The following RBFOX1 variants were observed in gnomAD, a reference collection of about 807,000 sequenced individuals.
The protein encoded by RBFOX1 is RNA binding fox-1 homolog 1, also known as RNA binding protein fox-1 homolog 1.
In RBFOX1, 8 loss-of-function variants were observed where a neutral mutation model predicts 57.7. That is an observed-to-expected ratio of 0.14 (90% CI 0.08 to 0.25). The LOEUF (loss-of-function observed/expected upper bound fraction) is 0.25. RBFOX1 is among the 10% of genes least tolerant of loss of function. RBFOX1 has a pLI of 1.00. For synonymous variants in RBFOX1, 326 were observed against 222.4 expected, an observed-to-expected ratio of 1.47 and a Z score of -4.15; for missense variants, 611 against 548.5, an observed-to-expected ratio of 1.11 and a Z score of -1.14.
intron 2 of RBFOX1, among the ~76,000 whole-genome samples, chr16:6,432,439 A>C (rs1002852556): frequency 4.0e-5 from 6 of 151,814 alleles, no homozygotes; most frequent in Non-Finnish European, 8.8e-5. Flanking sequence ...TGGGAGGGCA[A>C]GGCGGGCGGA....
Position 6,312,136 on chromosome 16 carries a change from A to T in RBFOX1, c.-126-4859A>T, listed in dbSNP as rs561303351. Among the ~76,000 whole-genome samples the T allele has an allele frequency of 7.9e-5, 12 of 152,286 alleles. No homozygotes were observed. In the East Asian group the frequency reaches 2.3e-3, roughly 29 times the overall value. ...CTGAGATGGTCTTATACATAATTGCATTGTTTGCTAGCAACAGAAATCCAT... is the reference window on the plus strand; with the variant it reads ...CTGAGATGGTCTTATACATAATTGCTTTGTTTGCTAGCAACAGAAATCCAT... On this transcript the variant is annotated intron_variant, in intron 1 of 15. Transcript: ENST00000550418.
At chr16:6,399,894 G>C (rs1056047020) in intron 2 of RBFOX1, among the ~76,000 whole-genome samples, 9 of 152,130 alleles carry the variant, frequency 5.9e-5, no homozygotes, top group South Asian at 2.1e-4. Context: ...CCCAATGAAG[G>C]GAGAAGCCCT....
intron 1 of RBFOX1, among the ~76,000 whole-genome samples, chr16:6,055,590 CAAAAAAA>C (rs35872547): frequency 1.5e-5 from 1 of 65,578 alleles, no homozygotes; most frequent in South Asian, 8.5e-4. Flanking sequence ...GAGACTCCGT[CAAAAAAA>C]AAAAAAAAAA....
At chr16:7,057,969 C>T (rs1811557) in intron 4 of RBFOX1, among the ~76,000 whole-genome samples, 1 of 148,148 alleles carries the variant, frequency 6.8e-6, no homozygotes, top group Admixed American at 6.8e-5. Flanking sequence ...GATCATGCCA[C>T]TGCACTCCAG....
chr16:5,842,355 TTGTTCTCTC>T (rs2056646481), intron 3 of RBFOX1, among the ~76,000 whole-genome samples: 1 of 152,184 alleles, frequency 6.6e-6, no homozygotes, highest in Admixed American at 6.5e-5. Flanking sequence ...TTAGGGAATT[TTGTTCTCTC>T]TGTGGGAAAT....
intron 3 of RBFOX1, among the ~76,000 whole-genome samples, chr16:5,734,460 C>T (rs767661112): frequency 5.9e-5 from 9 of 152,148 alleles, no homozygotes; most frequent in Non-Finnish European, 1.2e-4. Context: ...AGAAAAACAG[C>T]ACATGCTTTC....
chr16:5,773,175 A>G (rs1340431434), intron 3 of RBFOX1, among the ~76,000 whole-genome samples: 3 of 152,212 alleles, frequency 2.0e-5, no homozygotes, highest in Non-Finnish European at 4.4e-5. Context: ...TGCTGAAGGT[A>G]GACTTCAGGG....
intron 3 of RBFOX1, among the ~76,000 whole-genome samples, chr16:5,852,670 A>C (rs2056926399): frequency 6.6e-6 from 1 of 152,018 alleles, no homozygotes; most frequent in Non-Finnish European, 1.5e-5. Context: ...TGGATTTGTA[A>C]AAGGGGTTAT....
chr16:7,652,697 C>T (rs187231253), intron 11 of RBFOX1, among the ~76,000 whole-genome samples: 76 of 152,320 alleles, frequency 5.0e-4, no homozygotes, highest in South Asian at 6.2e-4. Flanking sequence ...TGAGCCACCG[C>T]GCCCAGCCCC....
At chr16:5,853,744 G>A (rs565901421) in intron 3 of RBFOX1, among the ~76,000 whole-genome samples, 4 of 152,276 alleles carry the variant, frequency 2.6e-5, no homozygotes, top group African/African-American at 9.6e-5. Context: ...TAAGCCTGCT[G>A]CATTTCAAAT....
chr16:6,818,037 C>G (rs2090485680), intron 3 of RBFOX1, among the ~76,000 whole-genome samples: 1 of 152,152 alleles, frequency 6.6e-6, no homozygotes, highest in Non-Finnish European at 1.5e-5. Flanking sequence ...TGTGTCTGCT[C>G]TCCTATATCT....
intron 2 of RBFOX1, among the ~76,000 whole-genome samples, chr16:6,398,704 C>T (rs1361659779): frequency 2.0e-5 from 3 of 152,248 alleles, no homozygotes; most frequent in Non-Finnish European, 4.4e-5. Flanking sequence ...AGCTCTGCCC[C>T]TATGCCTTTG....
At chr16:6,264,762 TTG>T (rs1784604722) in intron 1 of RBFOX1, among the ~76,000 whole-genome samples, 1 of 152,220 alleles carries the variant, frequency 6.6e-6, no homozygotes, top group Non-Finnish European at 1.5e-5. Flanking sequence ...GCAGCCTATG[TTG>T]TCTTTTCTTA....
chr16:5,513,714 A>G (rs1409535705), intron 2 of RBFOX1, among the ~76,000 whole-genome samples: 1 of 152,112 alleles, frequency 6.6e-6, no homozygotes, highest in Admixed American at 6.5e-5. Context: ...GTATGCTTTG[A>G]GTTATAATCC....
chr16:6,141,983 T>C (rs1220396727), intron 1 of RBFOX1, among the ~76,000 whole-genome samples: 1 of 151,334 alleles, frequency 6.6e-6, no homozygotes, highest in Non-Finnish European at 1.5e-5. Flanking sequence ...GGTTTCAACC[T>C]GGGAGGTGGA....
chr16:6,342,481 C>T (rs1303366646), intron 2 of RBFOX1, among the ~76,000 whole-genome samples: 1 of 152,082 alleles, frequency 6.6e-6, no homozygotes, highest in Non-Finnish European at 1.5e-5. Flanking sequence ...CAGAAACAAC[C>T]TTGATAAGGT....
intron 1 of RBFOX1, among the ~76,000 whole-genome samples, chr16:6,070,570 T>C (rs2095823680): frequency 6.6e-6 from 1 of 152,122 alleles, no homozygotes; most frequent in African/African-American, 2.4e-5. Context: ...CACAGAATGA[T>C]ACAAAACAGC....
At chr16:5,695,393 C>T (rs73516386) in intron 3 of RBFOX1, among the ~76,000 whole-genome samples, 6,280 of 152,114 alleles carry the variant, frequency 0.041, 447 homozygotes, top group African/African-American at 0.14. Context: ...GATGGTAAAT[C>T]GCTTAGAAAT....
At position 6,023,009 on chromosome 16, in the gene RBFOX1, C is replaced by T. The variant is rs1243235774; in HGVS notation, c.-127+3017C>T. On this transcript the variant is annotated intron_variant, in intron 1 of 15. Coordinates refer to ENST00000550418, the MANE Select transcript of RBFOX1 (RefSeq NM_018723.4). ...TTCGGGGATCTAAAATCGTCAAACT[C>T]ATAGAAGCAGAGAGTAGAAGGTTGT... Among the ~76,000 whole-genome samples the T allele has an allele frequency of 3.3e-5, 5 of 152,028 alleles. No individual in the cohort carries two copies. The East Asian group carries it at 9.7e-4, about 29-fold the overall frequency.
Sources: gnomAD v4.1 joint callset for allele counts (sites outside exome capture counted in the v4.1 genomes callset) on GRCh38, gnomAD v4.1.1 for gene constraint, MANE v1.5 for transcripts, NCBI Gene and HGNC (gene_info 2026-07-23, HGNC 2026-07-21) for gene names.